The following ADGRG7 variants were observed in gnomAD, a reference collection of about 807,000 sequenced individuals.
ADGRG7 encodes adhesion G protein-coupled receptor G7, also known as G-protein coupled receptor 128.
A neutral mutation model predicts 88.6 loss-of-function variants in ADGRG7; 82 were observed. That is an observed-to-expected ratio of 0.93 (90% CI 0.77 to 1.11). ADGRG7 has a LOEUF of 1.11. Among genes scored for constraint, ADGRG7 ranks in the 50% most tolerant of loss-of-function variants. The probability of loss-of-function intolerance (pLI) is 0.00; values close to 1 mark genes in which losing one functional copy is unlikely to be tolerated. For synonymous variants in ADGRG7, 381 were observed against 345.2 expected (o/e 1.10, Z -1.15); for missense variants, 945 against 953.4 (o/e 0.99, Z 0.12).
At chr3:100,654,597 T>G (rs952789170) in intron 11 of ADGRG7, 3 of 389,998 alleles carry the variant, frequency 7.7e-6, no homozygotes, top group East Asian at 4.6e-5. Flanking sequence ...GAACACAGTT[T>G]CAAGAAAAGA....
At chr3:100,662,051 T>C (rs1280952454) in intron 14 of ADGRG7, among the ~76,000 whole-genome samples, 1 of 152,214 alleles carries the variant, frequency 6.6e-6, no homozygotes, top group Non-Finnish European at 1.5e-5. Flanking sequence ...TTTAAACTTT[T>C]ATGAAAATAT....
At chr3:100,643,431 T>C in intron 7 of ADGRG7, 26 bp downstream of exon 7, 1 of 1,613,208 alleles carries the variant, frequency 6.2e-7, no homozygotes. Context: ...TATGTGCTTG[T>C]AACAGCAAAG....
intron 15 of ADGRG7, among the ~76,000 whole-genome samples, chr3:100,673,622 T>C (rs1414845012): frequency 6.6e-6 from 1 of 152,010 alleles, no homozygotes; most frequent in African/African-American, 2.4e-5. Flanking sequence ...CCACCATGCC[T>C]GGCTAATTTT....
intron 14 of ADGRG7, among the ~76,000 whole-genome samples, chr3:100,664,557 A>C (rs2094949493): frequency 6.6e-6 from 1 of 152,208 alleles, no homozygotes; most frequent in African/African-American, 2.4e-5. Flanking sequence ...ATGTACTTGT[A>C]ATGCAGGTTA....
intron 11 of ADGRG7, among the ~76,000 whole-genome samples, chr3:100,653,053 C>T (rs1467169479): frequency 6.6e-6 from 1 of 152,128 alleles, no homozygotes; most frequent in East Asian, 1.9e-4. Context: ...AAGCATTTCC[C>T]AAAATGTGGT....
intron 15 of ADGRG7, among the ~76,000 whole-genome samples, chr3:100,670,238 C>T (rs2094956767): frequency 6.6e-6 from 1 of 152,098 alleles, no homozygotes; most frequent in Admixed American, 6.5e-5. Context: ...TCTTTAGGTC[C>T]CAAATAATTG....
intron 1 of ADGRG7, among the ~76,000 whole-genome samples, chr3:100,624,094 G>C (rs765678529): frequency 2.0e-5 from 3 of 152,086 alleles, no homozygotes; most frequent in Non-Finnish European, 4.4e-5. Flanking sequence ...TCTGGTACTA[G>C]ATCCTTGAGG....
chr3:100,619,049 AT>A, intron 1 of ADGRG7, among the ~76,000 whole-genome samples: 1 of 152,208 alleles, frequency 6.6e-6, no homozygotes, highest in South Asian at 2.1e-4. Context: ...AATGCTTGTG[AT>A]TTTTGCACAT....
chr3:100,673,160 G>A (rs768500823), intron 15 of ADGRG7, among the ~76,000 whole-genome samples: 28 of 152,208 alleles, frequency 1.8e-4, no homozygotes, highest in Non-Finnish European at 3.4e-4. Context: ...TTTACCTCTG[G>A]TAGAATTTGG....
intron 15 of ADGRG7, among the ~76,000 whole-genome samples, chr3:100,683,681 G>T (rs2094977205): frequency 6.6e-6 from 1 of 152,252 alleles, no homozygotes. Context: ...AGACCGAGTA[G>T]GAGGAATGAG....
intron 15 of ADGRG7, among the ~76,000 whole-genome samples, chr3:100,678,055 T>C (rs1418404922): frequency 2.0e-5 from 3 of 152,132 alleles, no homozygotes; most frequent in Non-Finnish European, 4.4e-5. Flanking sequence ...TAATAGCTCT[T>C]AGATTTTTCC....
chr3:100,630,644 A>T (rs1262024529), intron 2 of ADGRG7, 61 bp from the exon 3 acceptor site: 1 of 766,652 alleles, frequency 1.3e-6, no homozygotes, highest in Admixed American at 4.0e-5. Flanking sequence ...TTTGACTTTT[A>T]TCTGGTTTCA....
At chr3:100,612,241 CTG>C (rs1707164979) in intron 1 of ADGRG7, among the ~76,000 whole-genome samples, 1 of 152,084 alleles carries the variant, frequency 6.6e-6, no homozygotes, top group Non-Finnish European at 1.5e-5. Context: ...AAATTCTGCT[CTG>C]AGTAAATTTC....
intron 14 of ADGRG7, chr3:100,664,946 C>A: frequency 3.0e-6 from 1 of 331,130 alleles, no homozygotes; most frequent in Non-Finnish European, 6.1e-6. Flanking sequence ...CTGCAGAAAA[C>A]AAACTGTAAG....
In ADGRG7 at chr3:100,648,595, T is replaced by G. The variant is rs1282539588; in HGVS notation, c.1267-1100T>G. Among the ~76,000 whole-genome samples the G allele has an allele frequency of 3.3e-5, 5 of 152,176 alleles. No individual in the cohort carries two copies. In the East Asian group the frequency reaches 9.6e-4, roughly 29 times the overall value. On this transcript the variant is annotated intron_variant, in intron 10 of 15. Transcript: ENST00000273352. ...TGGCAATTCAAGCATAATGCTATTA[T>G]GTTAGCAAACCCCTGTATGTTTGTG...
chr3:100,654,326 A>G (rs1243848417), intron 11 of ADGRG7: 1 of 152,342 alleles, frequency 6.6e-6, no homozygotes, highest in Non-Finnish European at 1.5e-5. Flanking sequence ...ACAAAGATGA[A>G]TATATTAATA....
chr3:100,685,784 T>C (rs2094981376), intron 15 of ADGRG7, among the ~76,000 whole-genome samples: 1 of 152,216 alleles, frequency 6.6e-6, no homozygotes, highest in Non-Finnish European at 1.5e-5. Context: ...TTGTTGGACA[T>C]TTGGGTTGGT....
At chr3:100,686,501 G>A (rs1216058573) in intron 15 of ADGRG7, among the ~76,000 whole-genome samples, 3 of 152,064 alleles carry the variant, frequency 2.0e-5, no homozygotes, top group Non-Finnish European at 4.4e-5. Flanking sequence ...CGGTTTTTAT[G>A]GTTTTAGGTC....
At chr3:100,633,637 G>T (rs2149018419) in intron 4 of ADGRG7, among the ~76,000 whole-genome samples, 1 of 152,184 alleles carries the variant, frequency 6.6e-6, no homozygotes, top group South Asian at 2.1e-4. Context: ...CAATCCTCCT[G>T]CATCAGCCTC....
Sources: gnomAD v4.1 joint callset for allele counts (sites outside exome capture counted in the v4.1 genomes callset) on GRCh38, gnomAD v4.1.1 for gene constraint, MANE v1.5 for transcripts, NCBI Gene and HGNC (gene_info 2026-07-23, HGNC 2026-07-21) for gene names.